The following NELL1 variants were observed in gnomAD, a reference collection of about 807,000 sequenced individuals.
The protein encoded by NELL1 is neural EGFL like 1, also known as protein kinase C-binding protein NELL1.
Under a neutral mutation model 107.4 loss-of-function variants are expected in NELL1, and 76 were observed. The ratio of observed to expected loss-of-function variants is 0.71; its 90% CI spans 0.59 to 0.86. NELL1 has a LOEUF of 0.86. NELL1 is among the 40% of genes least tolerant of loss of function. The probability of loss-of-function intolerance (pLI) is 0.00; values close to 1 mark genes in which losing one functional copy is unlikely to be tolerated. For synonymous variants in NELL1, 353 were observed against 341.2 expected (o/e 1.03, Z -0.38); for missense variants, 1,024 against 1,005.5 (o/e 1.02, Z -0.25).
intron 14 of NELL1, among the ~76,000 whole-genome samples, chr11:21,344,299 A>G (rs1285821711): frequency 6.6e-6 from 1 of 152,222 alleles, no homozygotes; most frequent in Non-Finnish European, 1.5e-5. Flanking sequence ...CAGCCATAAC[A>G]TGCTGAGATA....
intron 12 of NELL1, among the ~76,000 whole-genome samples, chr11:21,034,538 A>G (rs1330833834): frequency 2.0e-5 from 3 of 152,198 alleles, no homozygotes; most frequent in Non-Finnish European, 4.4e-5. Flanking sequence ...CTGAAATCAT[A>G]ACAAACAATC....
intron 14 of NELL1, among the ~76,000 whole-genome samples, chr11:21,289,059 T>C (rs1565150127): frequency 2.0e-5 from 3 of 152,182 alleles, no homozygotes; most frequent in Admixed American, 6.5e-5. Flanking sequence ...TAGGCAATAA[T>C]AGGGTAGACC....
At chr11:21,270,481 T>G (rs1195526220) in intron 14 of NELL1, among the ~76,000 whole-genome samples, 1 of 152,090 alleles carries the variant, frequency 6.6e-6, no homozygotes, top group African/African-American at 2.4e-5. Context: ...CAAAAAGATA[T>G]ACACAATCTT....
chr11:21,355,080 G>C (rs1326197402), intron 14 of NELL1, among the ~76,000 whole-genome samples: 1 of 152,146 alleles, frequency 6.6e-6, no homozygotes, highest in Non-Finnish European at 1.5e-5. Flanking sequence ...TGTTGCTTTA[G>C]TGTCCTAGGG....
chr11:21,454,163 G>C (rs1472342608), intron 15 of NELL1, among the ~76,000 whole-genome samples: 1 of 140,946 alleles, frequency 7.1e-6, no homozygotes, highest in African/African-American at 2.7e-5. Context: ...CCACCTATGA[G>C]TGAGAATATG....
intron 17 of NELL1, among the ~76,000 whole-genome samples, chr11:21,563,158 T>C (rs1856890412): frequency 6.6e-6 from 1 of 152,064 alleles, no homozygotes; most frequent in Non-Finnish European, 1.5e-5. Context: ...CTGGGATTGA[T>C]CCATAAATCT....
intron 12 of NELL1, among the ~76,000 whole-genome samples, chr11:21,084,448 T>C (rs1230243035): frequency 1.3e-5 from 2 of 152,212 alleles, no homozygotes; most frequent in Non-Finnish European, 2.9e-5. Context: ...TAGTATTTTG[T>C]CCAATAGATG....
intron 3 of NELL1, among the ~76,000 whole-genome samples, chr11:20,803,192 C>T (rs1857314077): frequency 6.6e-6 from 1 of 152,014 alleles, no homozygotes; most frequent in Non-Finnish European, 1.5e-5. Context: ...GCCATTGGAT[C>T]CTGGACTTTT....
chr11:21,268,585 A>C (rs1848680013), intron 14 of NELL1, among the ~76,000 whole-genome samples: 1 of 152,084 alleles, frequency 6.6e-6, no homozygotes, highest in South Asian at 2.1e-4. Context: ...TGGGGTGGAG[A>C]TGGAGAAGCA....
chr11:20,957,848 T>C (rs551966778), intron 11 of NELL1, among the ~76,000 whole-genome samples: 3 of 152,076 alleles, frequency 2.0e-5, no homozygotes, highest in East Asian at 3.9e-4. Context: ...TGATGCAGAA[T>C]TCACCATAAA....
intron 3 of NELL1, among the ~76,000 whole-genome samples, chr11:20,808,587 C>T (rs944707526): frequency 6.6e-6 from 1 of 152,192 alleles, no homozygotes; most frequent in Admixed American, 6.5e-5. Flanking sequence ...TTAGGACTTG[C>T]CTACGAGTTG....
chr11:20,772,888 A>G (rs889742499), intron 2 of NELL1, among the ~76,000 whole-genome samples: 4 of 152,208 alleles, frequency 2.6e-5, no homozygotes, highest in Non-Finnish European at 5.9e-5. Context: ...CATCTGTAAA[A>G]TGGAGATAGC....
At chr11:20,955,665 A>T (rs910407671) in intron 11 of NELL1, among the ~76,000 whole-genome samples, 26 of 152,194 alleles carry the variant, frequency 1.7e-4, no homozygotes, top group African/African-American at 6.0e-4. Flanking sequence ...TAGCCCATTT[A>T]AGTTTCTCAA....
chr11:20,681,562 G>T (rs566839222), intron 2 of NELL1, among the ~76,000 whole-genome samples: 1 of 152,064 alleles, frequency 6.6e-6, no homozygotes, highest in Admixed American at 6.6e-5. Flanking sequence ...ATCCAATGCC[G>T]AAGCCTCTTC....
intron 2 of NELL1, among the ~76,000 whole-genome samples, chr11:20,731,713 A>G (rs1012561468): frequency 6.6e-6 from 1 of 152,218 alleles, no homozygotes; most frequent in Non-Finnish European, 1.5e-5. Flanking sequence ...TTATCTGTCA[A>G]GTCAGAATAA....
intron 12 of NELL1, among the ~76,000 whole-genome samples, chr11:21,025,831 C>T (rs1039246434): frequency 1.1e-4 from 17 of 152,212 alleles, no homozygotes; most frequent in African/African-American, 4.1e-4. Flanking sequence ...TCCAGTTATT[C>T]CCCAACAACT....
chr11:20,899,623 G>A (rs761540220), intron 5 of NELL1, among the ~76,000 whole-genome samples: 3 of 152,002 alleles, frequency 2.0e-5, no homozygotes, highest in Non-Finnish European at 2.9e-5. Context: ...GCATGAAATC[G>A]TAAGAACAGA....
chr11:21,381,797 C>G (rs2133769303), intron 15 of NELL1, among the ~76,000 whole-genome samples: 1 of 151,540 alleles, frequency 6.6e-6, no homozygotes, highest in East Asian at 2.0e-4. Context: ...TCTTATCAAG[C>G]TAACAAAAGT....
At chr11:21,184,636 A>G (rs1856895191) in intron 13 of NELL1, among the ~76,000 whole-genome samples, 2 of 151,926 alleles carry the variant, frequency 1.3e-5, no homozygotes, top group Non-Finnish European at 2.9e-5. Context: ...ATGTAAGTCA[A>G]TGTCTCTGAA....
Sources: allele counts gnomAD v4.1 joint callset (sites outside exome capture counted in the v4.1 genomes callset), GRCh38; gene constraint gnomAD v4.1.1; transcripts MANE v1.5; gene names NCBI Gene and HGNC (gene_info 2026-07-23, HGNC 2026-07-21).